The following CSMD3 variants were observed in gnomAD, a reference collection of about 807,000 sequenced individuals.
The protein encoded by CSMD3 is CUB and sushi domain-containing protein 3.
In CSMD3, 177 loss-of-function variants were observed where a neutral mutation model predicts 435.2. The observed-to-expected ratio is 0.41, with a 90% CI of 0.36 to 0.46. The LOEUF (loss-of-function observed/expected upper bound fraction) is 0.46, where lower values mean the gene tolerates loss of function less well. Ranked by LOEUF, CSMD3 falls within the 20% of genes least tolerant of loss-of-function variation. The pLI is 0.34. For missense variants in CSMD3, 4,265 were observed against 4,504.6 expected, an observed-to-expected ratio of 0.95 and a Z score of 1.52; for synonymous variants, 1,656 against 1,520.5, an observed-to-expected ratio of 1.09 and a Z score of -2.07.
intron 5 of CSMD3, among the ~76,000 whole-genome samples, chr8:113,032,717 T>C (rs1201898119): frequency 2.0e-5 from 3 of 151,600 alleles, no homozygotes; most frequent in Non-Finnish European, 4.4e-5. Flanking sequence ...TGCAGAAATG[T>C]GCATAAGTAA....
chr8:113,413,361 A>G (rs2094567858), intron 1 of CSMD3, among the ~76,000 whole-genome samples: 1 of 152,152 alleles, frequency 6.6e-6, no homozygotes, highest in Non-Finnish European at 1.5e-5. Flanking sequence ...CACTGGATCT[A>G]GTGGCTGCTA....
intron 22 of CSMD3, among the ~76,000 whole-genome samples, chr8:112,616,164 C>T (rs1423096276): frequency 2.0e-5 from 3 of 152,040 alleles, no homozygotes; most frequent in African/African-American, 7.2e-5. Flanking sequence ...TCTGTGAAAT[C>T]AGTATAATTA....
chr8:112,832,681 G>T (rs148986268), intron 11 of CSMD3, among the ~76,000 whole-genome samples: 124 of 152,146 alleles, frequency 8.2e-4, no homozygotes, highest in Non-Finnish European at 9.9e-4. Context: ...TTTCAAATGA[G>T]ATCACATCCC....
intron 10 of CSMD3, among the ~76,000 whole-genome samples, chr8:112,867,079 G>T (rs1489848400): frequency 6.6e-6 from 1 of 152,088 alleles, no homozygotes; most frequent in African/African-American, 2.4e-5. Context: ...ATGGATAAAT[G>T]TTGGTACCTA....
At position 112,921,686 on chromosome 8, in the gene CSMD3, G is replaced by A. The variant is rs769345379; in HGVS notation, c.1574C>T (p.Thr525Ile). ...DYVLQGAKSI[T>I]CQRIAEVFAA... The stretch of plus-strand genomic sequence containing the variant: ...AAAAACTTCAGCTATCCGTTGACAG[G>A]TGATGCTCTTTGCGCCCTGTAGGAC... Residue 525 changes from threonine (T) to isoleucine (I), a missense_variant, in exon 10 of 71, where the codon ACC (threonine) becomes ATC (isoleucine). Around this residue, in one of 3 missense-constraint regions of CSMD3, gnomAD observed 731 missense variants for 755.4 expected, o/e 0.97. Transcript: ENST00000297405. The A allele has an allele frequency of 1.2e-6, 2 of 1,611,306 alleles. No homozygotes were observed. Among genetic ancestry groups the A allele is most frequent in the South Asian group, 2.2e-5 (2 of 91,012 alleles).
At chr8:112,991,787 A>G (rs2085465574) in intron 6 of CSMD3, among the ~76,000 whole-genome samples, 1 of 151,898 alleles carries the variant, frequency 6.6e-6, no homozygotes, top group Non-Finnish European at 1.5e-5. Context: ...GAGTCAACCC[A>G]GTGAAGTGAT....
At chr8:112,743,836 T>C (rs2077369233) in intron 13 of CSMD3, among the ~76,000 whole-genome samples, 2 of 152,010 alleles carry the variant, frequency 1.3e-5, no homozygotes, top group South Asian at 4.1e-4. Flanking sequence ...GCATACCTCA[T>C]GGAATATGCC....
chr8:112,588,574 T>C (rs1242460161), intron 22 of CSMD3, among the ~76,000 whole-genome samples: 2 of 152,052 alleles, frequency 1.3e-5, no homozygotes, highest in African/African-American at 2.4e-5. Context: ...CGTACAATTA[T>C]AATACCAAAA....
intron 10 of CSMD3, among the ~76,000 whole-genome samples, chr8:112,918,340 T>C (rs2130598757): frequency 6.6e-6 from 1 of 151,984 alleles, no homozygotes; most frequent in African/African-American, 2.4e-5. Flanking sequence ...TCATCCTCCC[T>C]TAATTACCCA....
chr8:112,479,223 T>C (rs986914526), intron 31 of CSMD3, among the ~76,000 whole-genome samples: 5 of 152,280 alleles, frequency 3.3e-5, no homozygotes, highest in African/African-American at 1.2e-4. Flanking sequence ...GAAGAAAATA[T>C]CGTACATCAC....
chr8:112,466,350 A>G (rs1817956465), intron 32 of CSMD3, among the ~76,000 whole-genome samples: 1 of 152,174 alleles, frequency 6.6e-6, no homozygotes, highest in Admixed American at 6.5e-5. Context: ...GCAATAAATG[A>G]TTGAATTAAG....
At chr8:112,643,975 A>T (rs2074907776) in intron 20 of CSMD3, among the ~76,000 whole-genome samples, 1 of 151,918 alleles carries the variant, frequency 6.6e-6, no homozygotes, top group Non-Finnish European at 1.5e-5. Context: ...CATTGCTAAA[A>T]GTATTTTGTT....
intron 22 of CSMD3, among the ~76,000 whole-genome samples, chr8:112,604,401 A>G (rs1427672406): frequency 6.6e-6 from 1 of 152,176 alleles, no homozygotes; most frequent in Non-Finnish European, 1.5e-5. Flanking sequence ...GATCAATACA[A>G]TGAAAACAGC....
At chr8:112,351,411 T>A (rs190753011) in intron 39 of CSMD3, among the ~76,000 whole-genome samples, 167 bp from the exon 40 acceptor site, 187 of 152,142 alleles carry the variant, frequency 1.2e-3, no homozygotes, top group African/African-American at 4.4e-3. Flanking sequence ...GAAAGGTGAT[T>A]ATATACACCT....
intron 3 of CSMD3, among the ~76,000 whole-genome samples, chr8:113,246,408 T>G (rs2093276753): frequency 6.6e-6 from 1 of 152,072 alleles, no homozygotes; most frequent in East Asian, 1.9e-4. Flanking sequence ...CTCTAGAATT[T>G]CTATGTGGTT....
At chr8:112,482,162 C>T (rs564286298) in intron 31 of CSMD3, among the ~76,000 whole-genome samples, 2 of 152,178 alleles carry the variant, frequency 1.3e-5, no homozygotes, top group African/African-American at 4.8e-5. Flanking sequence ...AAGCCATCAC[C>T]TTCATCCCTC....
chr8:113,191,559 T>C (rs2092584981), intron 3 of CSMD3, among the ~76,000 whole-genome samples: 1 of 145,604 alleles, frequency 6.9e-6, no homozygotes, highest in African/African-American at 2.4e-5. Flanking sequence ...CTCCATGTTG[T>C]TGCCAAAAAA....
At chr8:112,839,624 T>C (rs769854017) in intron 11 of CSMD3, among the ~76,000 whole-genome samples, 1 of 151,750 alleles carries the variant, frequency 6.6e-6, no homozygotes, top group Non-Finnish European at 1.5e-5. Context: ...GAAAAATATG[T>C]ATGAGGCTAA....
At position 113,275,570 on chromosome 8, in the gene CSMD3, G is replaced by T. The variant is rs372787269; in HGVS notation, c.514+3022C>A. 6.6e-5 allele frequency among the ~76,000 whole-genome samples: 10 copies of T among 152,078 alleles called. No individual in the cohort carries two copies. In the East Asian group the frequency reaches 1.9e-3, roughly 29 times the overall value. ...ATGAATAACATTAGTAATAAATACG[G>T]TCTCATAAATACTAATACACAAGGA... On this transcript the variant is annotated intron_variant, in intron 3 of 70. Transcript: ENST00000297405.
Sources: allele counts gnomAD v4.1 joint callset (sites outside exome capture counted in the v4.1 genomes callset), GRCh38; gene constraint gnomAD v4.1.1; regional missense constraint gnomAD v4.1.1; transcripts MANE v1.5; gene names NCBI Gene and HGNC (gene_info 2026-07-23, HGNC 2026-07-21).